Variants in CADM2 observed in about 807,000 individuals in gnomAD.
The protein encoded by CADM2 is immunoglobulin superfamily member 4D.
A neutral mutation model predicts 49.8 loss-of-function variants in CADM2; 12 were observed. That is an observed-to-expected ratio of 0.24 (90% CI 0.15 to 0.39). CADM2 has a LOEUF of 0.39. Among genes scored for constraint, CADM2 ranks in the 10% least tolerant of loss-of-function variants. The probability of loss-of-function intolerance (pLI) is 1.00; values close to 1 mark genes in which losing one functional copy is unlikely to be tolerated. For missense variants in CADM2, 378 were observed against 492.3 expected (o/e 0.77, Z 2.20); for synonymous variants, 214 against 175.4 (o/e 1.22, Z -1.74).
At chr3:85,892,469 G>T (rs1714581813) in intron 5 of CADM2, among the ~76,000 whole-genome samples, 1 of 152,100 alleles carries the variant, frequency 6.6e-6, no homozygotes, top group Admixed American at 6.6e-5. Context: ...TTGGTGGGAG[G>T]TAATTGAATC....
At chr3:85,564,946 C>T (rs1358691856) in intron 1 of CADM2, among the ~76,000 whole-genome samples, 1 of 152,036 alleles carries the variant, frequency 6.6e-6, no homozygotes, top group African/African-American at 2.4e-5. Flanking sequence ...TTTATAAAGA[C>T]ACAAGGTATA....
intron 1 of CADM2, among the ~76,000 whole-genome samples, chr3:85,489,265 A>G (rs1430754297): frequency 1.3e-5 from 2 of 152,180 alleles, no homozygotes; most frequent in Non-Finnish European, 2.9e-5. Context: ...AGAATGACTA[A>G]GTAAAATTTA....
At chr3:85,959,085 T>G (rs1029111018) in intron 7 of CADM2, among the ~76,000 whole-genome samples, 1 of 151,112 alleles carries the variant, frequency 6.6e-6, no homozygotes, top group Non-Finnish European at 1.5e-5. Context: ...TATAGCTATA[T>G]CTATATCTTT....
intron 6 of CADM2, among the ~76,000 whole-genome samples, chr3:85,924,383 A>T (rs1366731288): frequency 6.6e-6 from 1 of 152,034 alleles, no homozygotes; most frequent in African/African-American, 2.4e-5. Context: ...TGAGCTCAGG[A>T]GTTTGAAACC....
At chr3:86,017,728 CAA>C (rs570758624) in intron 8 of CADM2, among the ~76,000 whole-genome samples, 14 of 110,050 alleles carry the variant, frequency 1.3e-4, no homozygotes, top group Admixed American at 2.8e-4. Flanking sequence ...ACCCTGTCTC[CAA>C]AAAAAAAAAA....
At chr3:85,525,249 A>G (rs911112784) in intron 1 of CADM2, among the ~76,000 whole-genome samples, 1 of 152,208 alleles carries the variant, frequency 6.6e-6, no homozygotes, top group Non-Finnish European at 1.5e-5. Context: ...ATCCTCATGT[A>G]TTCAGCATCC....
At chr3:85,231,222 C>T (rs2042279243) in intron 1 of CADM2, among the ~76,000 whole-genome samples, 1 of 152,152 alleles carries the variant, frequency 6.6e-6, no homozygotes, top group Non-Finnish European at 1.5e-5. Flanking sequence ...CAACCCATAA[C>T]ACTGAGACAA....
intron 7 of CADM2, among the ~76,000 whole-genome samples, chr3:85,949,443 TAA>T (rs1723138591): frequency 6.6e-6 from 1 of 151,306 alleles, no homozygotes; most frequent in East Asian, 2.0e-4. Context: ...AAAAATATGT[TAA>T]GTCTTAGTTC....
chr3:85,278,981 G>C (rs1216923855), intron 1 of CADM2, among the ~76,000 whole-genome samples: 1 of 151,230 alleles, frequency 6.6e-6, no homozygotes, highest in East Asian at 1.9e-4. Flanking sequence ...TTTGCAGAGG[G>C]ATCAAGTTTT....
intron 1 of CADM2, among the ~76,000 whole-genome samples, chr3:85,452,017 G>A (rs1262329297): frequency 6.6e-6 from 1 of 152,208 alleles, no homozygotes; most frequent in Admixed American, 6.5e-5. Context: ...AGAGAGCAAT[G>A]CTTCCTCACA....
chr3:85,357,173 T>G (rs1008682061), intron 1 of CADM2, among the ~76,000 whole-genome samples: 12 of 152,178 alleles, frequency 7.9e-5, no homozygotes, highest in Admixed American at 2.0e-4. Context: ...AGTCCTTTAT[T>G]GGCTTAACTT....
intron 1 of CADM2, among the ~76,000 whole-genome samples, chr3:85,062,710 A>G (rs2036378755): frequency 6.6e-6 from 1 of 151,972 alleles, no homozygotes; most frequent in Non-Finnish European, 1.5e-5. Flanking sequence ...TTTATTTTCA[A>G]GATTTGAATA....
At chr3:84,976,901 A>G (rs980762122) in intron 1 of CADM2, among the ~76,000 whole-genome samples, 15 of 151,872 alleles carry the variant, frequency 9.9e-5, no homozygotes, top group African/African-American at 3.6e-4. Context: ...CATTTTATCA[A>G]TCATCATAGA....
chr3:85,055,853 C>T (rs1333025494), intron 1 of CADM2, among the ~76,000 whole-genome samples: 3 of 151,976 alleles, frequency 2.0e-5, no homozygotes, highest in Non-Finnish European at 2.9e-5. Flanking sequence ...TATCCCAGAG[C>T]TACTGAATTG....
chr3:85,069,770 C>T (rs571733213), intron 1 of CADM2, among the ~76,000 whole-genome samples: 3 of 152,176 alleles, frequency 2.0e-5, no homozygotes, highest in African/African-American at 4.8e-5. Context: ...GTGTGACCTA[C>T]GTACCATTTT....
intron 6 of CADM2, among the ~76,000 whole-genome samples, chr3:85,917,088 C>T (rs9714165): frequency 0.7 from 106,407 of 151,866 alleles, 38,854 homozygotes; most frequent in African/African-American, 0.92. Flanking sequence ...GATGAGTAGG[C>T]TGCAAAAATT....
At chr3:85,547,094 AAT>A (rs142343184) in intron 1 of CADM2, among the ~76,000 whole-genome samples, 5 of 150,658 alleles carry the variant, frequency 3.3e-5, no homozygotes, top group Non-Finnish European at 4.4e-5. Flanking sequence ...TATTTTGATG[AAT>A]ATATATATAT....
At chr3:85,591,814 C>T (rs1192539745) in intron 1 of CADM2, among the ~76,000 whole-genome samples, 1 of 151,916 alleles carries the variant, frequency 6.6e-6, no homozygotes, top group Non-Finnish European at 1.5e-5. Flanking sequence ...ACACTTTGTT[C>T]CCAGTGAATT....
chr3:84,963,061 G>C (rs1407653144), intron 1 of CADM2, among the ~76,000 whole-genome samples: 1 of 152,144 alleles, frequency 6.6e-6, no homozygotes, highest in Non-Finnish European at 1.5e-5. Flanking sequence ...ATGAATAATA[G>C]ATAGGGAATA....
Sources: gnomAD v4.1 joint callset for allele counts (sites outside exome capture counted in the v4.1 genomes callset) on GRCh38, gnomAD v4.1.1 for gene constraint, MANE v1.5 for transcripts, NCBI Gene and HGNC (gene_info 2026-07-23, HGNC 2026-07-21) for gene names.